The following MYL10 variants were observed in gnomAD, a reference collection of about 807,000 sequenced individuals.
The protein encoded by MYL10 is myosin light chain 10.
A neutral mutation model predicts 21.9 loss-of-function variants in MYL10; 18 were observed. The observed-to-expected ratio is 0.82, with a 90% CI of 0.57 to 1.22. The LOEUF is 1.22. MYL10 is among the 50% of genes most tolerant of loss of function. The pLI is 0.00. For missense variants in MYL10, 225 were observed against 230.4 expected (o/e 0.98, Z 0.15); for synonymous variants, 88 against 82.8 (o/e 1.06, Z -0.34).
chr7:101,616,150 A>G, intron 6 of MYL10, 70 bp downstream of exon 6: 4 of 1,365,358 alleles, frequency 2.9e-6, no homozygotes, highest in Non-Finnish European at 4.2e-6. Context: ...CTGGGCGACC[A>G]TCCACCCTGA....
Position 101,624,283 on chromosome 7 carries a change from G to A in MYL10, c.79-19C>T, listed in dbSNP as rs1445022448. ...TCGGTGCCTGCGAGGTAGCAGACAA[G>A]GCCTTGCAGCGGCCCCTGCCTCGAG... On this transcript the variant is annotated intron_variant, in intron 1 of 7. Coordinates refer to ENST00000223167, the MANE Select transcript of MYL10 (RefSeq NM_138403.5). 6.2e-7 allele frequency: 1 copy of A among 1,603,424 alleles called. No homozygotes were observed.
In MYL10 at chr7:101,613,524, T is replaced by A; in HGVS notation, c.632A>T (p.Asp211Val). Reference protein sequence around the residue: ...AFPPDVCGNLDYRNLCYVITH... With the variant: ...AFPPDVCGNLVYRNLCYVITH... The stretch of plus-strand genomic sequence containing the variant: ...GATGACGTAGCACAGGTTTCTGTAG[T>A]CCAGGTTGCCGCACACATCTGGGGG... Residue 211 changes from aspartate (D) to valine (V), a missense_variant, in exon 8 of 8, where the codon GAC (aspartate) becomes GTC (valine). Asp to Val is a radical substitution (Grantham distance 152). Coordinates refer to ENST00000223167, the MANE Select transcript of MYL10 (RefSeq NM_138403.5). The A allele has an allele frequency of 3.1e-6, 5 of 1,614,164 alleles. No individual in the cohort carries two copies. Among genetic ancestry groups the A allele is most frequent in the Non-Finnish European group, 4.2e-6 (5 of 1,180,038 alleles).
At chr7:101,622,819 C>T in intron 4 of MYL10, among the ~76,000 whole-genome samples, 178 bp downstream of exon 4, 1 of 152,150 alleles carries the variant, frequency 6.6e-6, no homozygotes, top group African/African-American at 2.4e-5. Flanking sequence ...TGGCCGAATC[C>T]TTCTCCAACC....
intron 6 of MYL10, among the ~76,000 whole-genome samples, chr7:101,615,943 C>A (rs1194142843): frequency 1.3e-5 from 2 of 151,986 alleles, no homozygotes; most frequent in Non-Finnish European, 2.9e-5. Context: ...AAGTGATCTG[C>A]CCACCTCGGC....
intron 5 of MYL10, among the ~76,000 whole-genome samples, chr7:101,621,372 G>C (rs1796675558): frequency 6.6e-6 from 1 of 152,086 alleles, no homozygotes; most frequent in Non-Finnish European, 1.5e-5. Context: ...GGGGGCTCCA[G>C]TGACCACAGA....
Position 101,629,108 on chromosome 7 carries a change from C to A in MYL10, c.11G>T (p.Arg4Met), listed in dbSNP as rs1430044566. The change falls in exon 1 of 8, where the codon AGG becomes ATG. Residue 4 changes from arginine to methionine, a missense_variant. Arg to Met is a moderately conservative substitution (Grantham distance 91). Transcript: ENST00000223167. MLLRLVSNSWPQVI... is the reference protein window; with the variant it reads MLLMLVSNSWPQVI... Reference sequence around the variant, plus strand: ...TTGAGGCCAGGAGTTTGAGACCAGCCTAAGCAACATGGTGAAACTCTGTTT... The same window carrying A: ...TTGAGGCCAGGAGTTTGAGACCAGCATAAGCAACATGGTGAAACTCTGTTT... 1.3e-5 allele frequency: 5 copies of A among 374,006 alleles called. No homozygotes were observed. Among genetic ancestry groups the A allele is most frequent in the African/African-American group, 1.1e-4 (5 of 45,666 alleles). The allele number at this position is 374,006 out of a possible 1,614,324, so 23.2% of individuals were successfully genotyped here.
chr7:101,625,536 A>G lies in MYL10; in HGVS notation c.79-1272T>C, dbSNP rs540487927. Among the ~76,000 whole-genome samples, 1,083 of 151,072 alleles carry G rather than the reference A, an allele frequency of 7.2e-3. 18 individuals are homozygous for G. The highest frequency in any genetic ancestry group is 0.025 in the African/African-American group (1,039 of 41,100). On this transcript the variant is annotated intron_variant, in intron 1 of 7. Coordinates refer to ENST00000223167, the MANE Select transcript of MYL10 (RefSeq NM_138403.5). ...CCTCATCCCCTGCTCCCCTCCCCCA[A>G]CGCCTGTGTGGTCTCCCCTGCCCCC...
intron 6 of MYL10, among the ~76,000 whole-genome samples, chr7:101,615,819 A>G (rs1796603285): frequency 1.3e-5 from 2 of 149,674 alleles, no homozygotes; most frequent in African/African-American, 4.9e-5. Flanking sequence ...CTCAGCCACC[A>G]GAGTAGCTGG....
At chr7:101,626,921 T>G (rs1023806404) in intron 1 of MYL10, among the ~76,000 whole-genome samples, 10 of 152,054 alleles carry the variant, frequency 6.6e-5, no homozygotes, top group South Asian at 2.1e-4. Context: ...GGAAGGTCAG[T>G]GAGAGGCAGG....
chr7:101,622,583 G>GT (rs1247704632), intron 4 of MYL10, among the ~76,000 whole-genome samples: 1 of 152,120 alleles, frequency 6.6e-6, no homozygotes, highest in Non-Finnish European at 1.5e-5. Flanking sequence ...TCAGGGCCTG[G>GT]TTACGTCCGT....
chr7:101,615,108 C>T (rs1352659892), intron 6 of MYL10, among the ~76,000 whole-genome samples: 3 of 152,114 alleles, frequency 2.0e-5, no homozygotes, highest in East Asian at 3.9e-4. Context: ...ATGGCAGCCC[C>T]GGTGCCTGCC....
At chr7:101,623,211 T>C (rs1796702136) in intron 3 of MYL10, 139 bp from the exon 4 acceptor site, 2 of 653,806 alleles carry the variant, frequency 3.1e-6, no homozygotes, top group Non-Finnish European at 2.7e-6. Context: ...ATGGGCTCCA[T>C]CCCCAACCCC....
At chr7:101,623,694 CA>C (rs11337754) in intron 3 of MYL10, among the ~76,000 whole-genome samples, 30,511 of 67,060 alleles carry the variant, frequency 0.45, 3,737 homozygotes, top group African/African-American at 0.51. Flanking sequence ...GACCCTGTCT[CA>C]AAAAAAAAAA....
At position 101,624,368 on chromosome 7, in the gene MYL10, T is replaced by C. The variant is rs139082019; in HGVS notation, c.79-104A>G. On this transcript the variant is annotated intron_variant, in intron 1 of 7. Transcript: ENST00000223167. ...CATCACGGTCCAGAATGACACCGCT[T>C]TGCCCTTCCCGGTGCCTACAGCAGA... The C allele has an allele frequency of 1.1e-4, 86 of 818,012 alleles. 1 individual carries two copies. In the African/African-American group the frequency reaches 1.2e-3, roughly 11 times the overall value. 50.7% of individuals were successfully genotyped at this position (818,012 alleles called of 1,614,324 possible). A position where few individuals can be genotyped will look rare whatever the true frequency, so the allele number is the denominator to read the frequency against.
intron 6 of MYL10, among the ~76,000 whole-genome samples, chr7:101,615,978 C>T (rs768600775): frequency 1.5e-4 from 23 of 152,086 alleles, no homozygotes; most frequent in Admixed American, 8.5e-4. Context: ...AGATTACAGG[C>T]GTGAGCCACC....
chr7:101,626,741 G>T (rs573241726), intron 1 of MYL10, among the ~76,000 whole-genome samples: 2 of 152,130 alleles, frequency 1.3e-5, no homozygotes, highest in African/African-American at 4.8e-5. Flanking sequence ...TGCCCACCTC[G>T]TCTCTCTCCA....
chr7:101,621,805 C>G (rs1796681023), intron 5 of MYL10, among the ~76,000 whole-genome samples: 1 of 152,088 alleles, frequency 6.6e-6, no homozygotes, highest in Non-Finnish European at 1.5e-5. Context: ...AGGCTGGTCT[C>G]AAACTCCTGG....
chr7:101,622,933 C>A, intron 4 of MYL10, 64 bp downstream of exon 4: 1 of 1,495,620 alleles, frequency 6.7e-7, no homozygotes, highest in South Asian at 1.1e-5. Flanking sequence ...GCCCTGCTGG[C>A]CCCAACCGCC....
intron 5 of MYL10, 63 bp downstream of exon 5, chr7:101,622,033 T>C: frequency 1.5e-6 from 2 of 1,325,922 alleles, no homozygotes; most frequent in Non-Finnish European, 1.1e-6. Flanking sequence ...GGCCCCTGCC[T>C]TCCTACATCC....
Sources: allele counts gnomAD v4.1 joint callset (sites outside exome capture counted in the v4.1 genomes callset), GRCh38; gene constraint gnomAD v4.1.1; transcripts MANE v1.5; gene names NCBI Gene and HGNC (gene_info 2026-07-23, HGNC 2026-07-21).